Variants in LHFPL3 observed in about 807,000 individuals in gnomAD.
LHFPL3 encodes LHFPL tetraspan subfamily member 3.
Under a neutral mutation model 19.3 loss-of-function variants are expected in LHFPL3, and 5 were observed. The observed-to-expected ratio is 0.26, with a 90% confidence interval of 0.14 to 0.54. The LOEUF (loss-of-function observed/expected upper bound fraction) is 0.54, where lower values mean the gene tolerates loss of function less well. Among genes scored for constraint, LHFPL3 ranks in the 20% least tolerant of loss-of-function variants. The pLI, the probability that LHFPL3 is intolerant of heterozygous loss-of-function variation, is 0.94. For missense variants in LHFPL3, 249 were observed against 307.4 expected, an observed-to-expected ratio of 0.81 and a Z score of 1.42; for synonymous variants, 133 against 126.2, an observed-to-expected ratio of 1.05 and a Z score of -0.36.
At chr7:104,558,761 A>G (rs1199568826) in intron 1 of LHFPL3, among the ~76,000 whole-genome samples, 1 of 148,430 alleles carries the variant, frequency 6.7e-6, no homozygotes, top group Non-Finnish European at 1.5e-5. Flanking sequence ...GCCCATGCCT[A>G]TGTCCTGAAT....
At chr7:104,347,635 T>C (rs2116381355) in intron 1 of LHFPL3, among the ~76,000 whole-genome samples, 1 of 152,284 alleles carries the variant, frequency 6.6e-6, no homozygotes. Context: ...CAATTGCTCA[T>C]GCCTGTAATC....
chr7:104,738,533 C>G (rs1011262112), intron 2 of LHFPL3: 1 of 152,094 alleles, frequency 6.6e-6, no homozygotes, highest in Non-Finnish European at 1.5e-5. Context: ...ATATTGAGAA[C>G]CTTTCACTTT....
At chr7:104,342,217 A>G (rs1458087985) in intron 1 of LHFPL3, among the ~76,000 whole-genome samples, 2 of 151,744 alleles carry the variant, frequency 1.3e-5, no homozygotes, top group African/African-American at 2.4e-5. Flanking sequence ...TCAGAACTCT[A>G]AGGTTCTAAA....
At chr7:104,873,753 G>C (rs765908833) in intron 2 of LHFPL3, among the ~76,000 whole-genome samples, 2 of 152,170 alleles carry the variant, frequency 1.3e-5, no homozygotes, top group African/African-American at 2.4e-5. Flanking sequence ...ATTTCCAATG[G>C]GATTTTGGGT....
At chr7:104,402,561 A>G (rs1478665564) in intron 1 of LHFPL3, among the ~76,000 whole-genome samples, 3 of 152,280 alleles carry the variant, frequency 2.0e-5, no homozygotes, top group Admixed American at 2.0e-4. Context: ...CACATAATTG[A>G]TTACTTATGC....
In LHFPL3 at chr7:104,908,403, CAAA is replaced by C. The variant is rs1238666019; in HGVS notation, c.*2192_*2194del. Among the ~76,000 whole-genome samples, 1 of 150,020 alleles carries C rather than the reference CAAA, an allele frequency of 6.7e-6. No individual in the cohort carries two copies. The highest frequency in any genetic ancestry group is 1.5e-5 in the Non-Finnish European group (1 of 67,480). ...GGTTTTTATCTTTTTAAAAAAAAAA[CAAA>C]AAAGGTGACTCCCTTTCTCATTCTG... On this transcript the variant is annotated 3_prime_UTR_variant, in exon 3 of 3. Transcript: ENST00000424859.
At chr7:104,518,846 G>A (rs1793982848) in intron 1 of LHFPL3, among the ~76,000 whole-genome samples, 1 of 141,406 alleles carries the variant, frequency 7.1e-6, no homozygotes, top group African/African-American at 3.1e-5. Flanking sequence ...TAGATAGATA[G>A]AATAAATAAA....
intron 1 of LHFPL3, among the ~76,000 whole-genome samples, chr7:104,612,216 T>C (rs1225638489): frequency 6.6e-6 from 1 of 152,218 alleles, no homozygotes; most frequent in Non-Finnish European, 1.5e-5. Flanking sequence ...CCTCTGCCTA[T>C]TACTTAACTC....
chr7:104,871,729 G>A (rs971455785), intron 2 of LHFPL3, among the ~76,000 whole-genome samples: 1 of 152,012 alleles, frequency 6.6e-6, no homozygotes, highest in Non-Finnish European at 1.5e-5. Flanking sequence ...CTCAGTCTCG[G>A]TTCACTGCAA....
At chr7:104,700,833 TA>T (rs1194089966) in intron 1 of LHFPL3, among the ~76,000 whole-genome samples, 5 of 152,248 alleles carry the variant, frequency 3.3e-5, no homozygotes, top group African/African-American at 1.2e-4. Flanking sequence ...TTGATCGCAG[TA>T]TCTATTCTGT....
At chr7:104,664,519 C>T (rs933949194) in intron 1 of LHFPL3, among the ~76,000 whole-genome samples, 1 of 152,204 alleles carries the variant, frequency 6.6e-6, no homozygotes, top group Non-Finnish European at 1.5e-5. Context: ...CTACTATCCC[C>T]TATGGCAGGG....
chr7:104,645,221 G>T (rs1749105602), intron 1 of LHFPL3, among the ~76,000 whole-genome samples: 1 of 152,150 alleles, frequency 6.6e-6, no homozygotes, highest in African/African-American at 2.4e-5. Flanking sequence ...CATAAAAACA[G>T]CTCTGTTTAA....
At chr7:104,892,971 T>C (rs1262813443) in intron 2 of LHFPL3, among the ~76,000 whole-genome samples, 2 of 152,014 alleles carry the variant, frequency 1.3e-5, no homozygotes, top group African/African-American at 2.4e-5. Context: ...AATCCCACGC[T>C]GAAGCAGGAG....
Position 104,448,640 on chromosome 7 carries a change from G to A in LHFPL3, c.445+119416G>A, listed in dbSNP as rs111259363. Among the ~76,000 whole-genome samples, 1,180 of 152,216 alleles carry A rather than the reference G, an allele frequency of 7.8e-3. 7 individuals are homozygous for A. The highest frequency in any genetic ancestry group is 0.027 in the African/African-American group (1,117 of 41,538). On this transcript the variant is annotated intron_variant, in intron 1 of 2. Coordinates refer to ENST00000424859, the MANE Select transcript of LHFPL3 (RefSeq NM_199000.3). ...CTATACTATATGAAAACTGTACAAT[G>A]TTCTATTTCAATGTAAAAATCACTT... is the stretch of plus-strand genomic sequence containing the variant.
At chr7:104,681,154 C>CTTTTTTTTTTTTTT (rs35342944) in intron 1 of LHFPL3, among the ~76,000 whole-genome samples, 2 of 132,628 alleles carry the variant, frequency 1.5e-5, no homozygotes, top group Non-Finnish European at 3.2e-5. Context: ...TTCTTTTCTT[C>CTTTTTTTTTTTTTT]TTTTTTTTTT....
intron 1 of LHFPL3, among the ~76,000 whole-genome samples, chr7:104,338,093 C>CTTTTTTTTTTTTTTTTTTTT (rs71296520): frequency 1.2e-5 from 1 of 85,846 alleles, no homozygotes; most frequent in Non-Finnish European, 2.1e-5. Flanking sequence ...TTTCCTTTTT[C>CTTTTTTTTTTTTTTTTTTTT]TTTTTTTTTT....
At chr7:104,420,646 G>A (rs571595492) in intron 1 of LHFPL3, among the ~76,000 whole-genome samples, 217 of 138,568 alleles carry the variant, frequency 1.6e-3, no homozygotes, top group South Asian at 0.016. Context: ...TGCAAGCTCC[G>A]CCTCCCGGGT....
intron 2 of LHFPL3, among the ~76,000 whole-genome samples, chr7:104,861,649 C>T (rs1791621184): frequency 2.0e-5 from 3 of 152,032 alleles, no homozygotes; most frequent in South Asian, 2.1e-4. Flanking sequence ...TCTAAAAAAA[C>T]GCAGCCACCC....
In LHFPL3 at chr7:104,434,404, T is replaced by TGTG. The variant is rs374369548; in HGVS notation, c.445+105181_445+105183dup. Among the ~76,000 whole-genome samples the TGTG allele has an allele frequency of 1.9e-3, 289 of 152,344 alleles. 1 individual carries two copies. Among genetic ancestry groups the TGTG allele is most frequent in the African/African-American group, 6.6e-3 (276 of 41,578 alleles). On this transcript the variant is annotated intron_variant, in intron 1 of 2. Transcript: ENST00000424859. ...AATTGTATGCAAAAGTTTTTGCATA[T>TGTG]GTGAATTTTTCTGGGGATGACATGC...
Sources: allele counts gnomAD v4.1 joint callset (sites outside exome capture counted in the v4.1 genomes callset), GRCh38; gene constraint gnomAD v4.1.1; transcripts MANE v1.5; gene names NCBI Gene and HGNC (gene_info 2026-07-23, HGNC 2026-07-21).